Variants in RYK observed in about 807,000 individuals in gnomAD.
RYK encodes receptor like tyrosine kinase, also known as inactive tyrosine-protein kinase RYK.
A neutral mutation model predicts 70.2 loss-of-function variants in RYK; 21 were observed. The ratio of observed to expected loss-of-function variants is 0.30; its 90% confidence interval spans 0.21 to 0.43. The LOEUF (loss-of-function observed/expected upper bound fraction) is 0.43, where lower values mean the gene tolerates loss of function less well. Among genes scored for constraint, RYK ranks in the 20% least tolerant of loss-of-function variants. The probability of loss-of-function intolerance (pLI) is 1.00; values close to 1 mark genes in which losing one functional copy is unlikely to be tolerated. For missense variants in RYK, 604 were observed against 753.3 expected (o/e 0.80, Z 2.32); for synonymous variants, 267 against 278.0 (o/e 0.96, Z 0.39).
chr3:134,174,364 C>A (rs2013025797), intron 13 of RYK, among the ~76,000 whole-genome samples: 1 of 152,094 alleles, frequency 6.6e-6, no homozygotes, highest in Non-Finnish European at 1.5e-5. Context: ...TGAGTATATA[C>A]CAATTAATAT....
Position 134,222,300 on chromosome 3 carries a change from T to C in RYK, c.354+118A>G, listed in dbSNP as rs1015441329. 4.8e-6 allele frequency: 5 copies of C among 1,034,548 alleles called. No homozygotes were observed. The African/African-American group carries it at 6.4e-5, about 13-fold the overall frequency. 64.1% of individuals were successfully genotyped at this position (1,034,548 alleles called of 1,614,324 possible). A position where few individuals can be genotyped will look rare whatever the true frequency, so the allele number is the denominator to read the frequency against. On this transcript the variant is annotated intron_variant, in intron 2 of 14. Transcript: ENST00000623711. ...ATAAATCTGAAAAGACTCAGTACTATTATATCACATCACCAGCGGACCCTT... is the reference window on the plus strand; with the variant it reads ...ATAAATCTGAAAAGACTCAGTACTACTATATCACATCACCAGCGGACCCTT...
chr3:134,185,624 C>A (rs2013437124), intron 9 of RYK, among the ~76,000 whole-genome samples: 2 of 152,070 alleles, frequency 1.3e-5, no homozygotes, highest in Non-Finnish European at 2.9e-5. Flanking sequence ...GCAAAATGTG[C>A]CTTTATTACT....
chr3:134,223,410 G>A (rs1560023072), intron 1 of RYK, among the ~76,000 whole-genome samples: 1 of 151,712 alleles, frequency 6.6e-6, no homozygotes, highest in East Asian at 1.9e-4. Flanking sequence ...AATTTTTAAG[G>A]CAAAATTTAA....
At chr3:134,208,664 C>A (rs2014287220) in intron 4 of RYK, among the ~76,000 whole-genome samples, 1 of 152,132 alleles carries the variant, frequency 6.6e-6, no homozygotes, top group Non-Finnish European at 1.5e-5. Context: ...TAACACTCAG[C>A]ACTGATTTCA....
intron 1 of RYK, among the ~76,000 whole-genome samples, chr3:134,248,812 T>C (rs1012019711): frequency 6.6e-6 from 1 of 152,112 alleles, no homozygotes; most frequent in East Asian, 1.9e-4. Flanking sequence ...AAAAATTAAC[T>C]GTGTGACCTT....
chr3:134,228,151 C>T (rs984858702), intron 1 of RYK, among the ~76,000 whole-genome samples: 1 of 152,110 alleles, frequency 6.6e-6, no homozygotes, highest in African/African-American at 2.4e-5. Context: ...ATTAGCCAAG[C>T]ATGGTGGTGT....
chr3:134,207,269 G>A (rs1004527943), intron 5 of RYK, among the ~76,000 whole-genome samples: 8 of 152,056 alleles, frequency 5.3e-5, no homozygotes, highest in African/African-American at 1.4e-4. Context: ...TACAAAATAC[G>A]TATAAATTTT....
intron 11 of RYK, among the ~76,000 whole-genome samples, chr3:134,176,661 G>A (rs796731917): frequency 3.3e-5 from 5 of 152,210 alleles, no homozygotes; most frequent in African/African-American, 1.2e-4. Context: ...TGGGAGGATT[G>A]CTTAAGCATG....
intron 10 of RYK, chr3:134,180,994 G>C (rs2013274215): frequency 6.6e-6 from 1 of 152,188 alleles, no homozygotes; most frequent in Non-Finnish European, 1.5e-5. Context: ...AAAACTGCAT[G>C]AGACACAACA....
chr3:134,186,394 T>C (rs962108868), intron 9 of RYK, among the ~76,000 whole-genome samples: 2 of 152,260 alleles, frequency 1.3e-5, no homozygotes, highest in African/African-American at 4.8e-5. Flanking sequence ...AAACTTCTAA[T>C]TGTGCAACAT....
At position 134,222,490 on chromosome 3, in the gene RYK, G is replaced by A. The variant is rs978060112; in HGVS notation, c.282C>T (p.Tyr94=). The change falls in exon 2 of 15, where the codon TAC becomes TAT. Residue 94 remains tyrosine (Y), a synonymous_variant. Coordinates refer to ENST00000623711, the MANE Select transcript of RYK (RefSeq NM_002958.4). ...GTACTAACAGACTAAAGGATAGAGC[G>A]TAGTGACTAATAAGGTCATTTCTCA... ...YYVRNDLISH[Y]ALSFSLLVPS... is the part of the protein sequence containing the mutation. 6.8e-6 allele frequency: 11 copies of A among 1,612,962 alleles called. No homozygotes were observed. The highest frequency in any genetic ancestry group is 6.7e-5 in the Admixed American group (4 of 59,994).
chr3:134,178,045 T>A lies in RYK; in HGVS notation c.1201A>T (p.Ile401Leu), dbSNP rs763941686. 1.3e-6 allele frequency: 2 copies of A among 1,594,346 alleles called. No homozygotes were observed. The highest frequency in any genetic ancestry group is 1.7e-4 in the Middle Eastern group (1 of 5,996). ...RNLLPITHVCIEEGEKPMVIL... is the reference protein window; with the variant it reads ...RNLLPITHVCLEEGEKPMVIL... ...ACCATGGGCTTTTCTCCTTCTTCTA[T>A]ACACACATGAGTAATAGGAAGAAGA... The change falls in exon 11 of 15, where the codon ATA becomes TTA. Residue 401 changes from isoleucine (I) to leucine (L), a missense_variant. This residue lies in a region of RYK where 466 missense variants were observed against 535.9 expected (regional missense o/e 0.87). Transcript: ENST00000623711.
intron 1 of RYK, among the ~76,000 whole-genome samples, chr3:134,236,455 T>C (rs1356921919): frequency 1.3e-5 from 2 of 152,138 alleles, no homozygotes. Flanking sequence ...AAAACACCCA[T>C]GTTCATGGAC....
At chr3:134,164,753 A>G (rs1239296779) in intron 13 of RYK, among the ~76,000 whole-genome samples, 2 of 152,274 alleles carry the variant, frequency 1.3e-5, no homozygotes, top group African/African-American at 4.8e-5. Flanking sequence ...TTTATCTAAG[A>G]GCAAAATGAC....
intron 5 of RYK, among the ~76,000 whole-genome samples, chr3:134,204,651 C>T (rs1227798763): frequency 6.9e-6 from 1 of 144,956 alleles, no homozygotes; most frequent in Admixed American, 6.9e-5. Flanking sequence ...TGAGAAAAAA[C>T]ACACAGCAAG....
chr3:134,240,492 T>A (rs572775663), intron 1 of RYK, among the ~76,000 whole-genome samples: 2 of 152,214 alleles, frequency 1.3e-5, no homozygotes, highest in African/African-American at 2.4e-5. Flanking sequence ...GGGGACTTTT[T>A]AAAGGTGCAA....
chr3:134,207,393 G>T, intron 5 of RYK, 79 bp downstream of exon 5: 2 of 882,698 alleles, frequency 2.3e-6, no homozygotes, highest in Non-Finnish European at 3.4e-6. Flanking sequence ...AGGCCTCCAA[G>T]CTTCATGCAA....
At chr3:134,227,581 G>A (rs757393721) in intron 1 of RYK, among the ~76,000 whole-genome samples, 3 of 151,750 alleles carry the variant, frequency 2.0e-5, no homozygotes, top group Non-Finnish European at 4.4e-5. Flanking sequence ...AAACCACAAT[G>A]AGATACCACC....
chr3:134,165,142 C>T (rs969027267), intron 13 of RYK, among the ~76,000 whole-genome samples: 5 of 152,098 alleles, frequency 3.3e-5, no homozygotes, highest in Admixed American at 6.5e-5. Flanking sequence ...CTGAGAACTT[C>T]GTATTTTTGA....
Sources: allele counts gnomAD v4.1 joint callset (sites outside exome capture counted in the v4.1 genomes callset), GRCh38; gene constraint gnomAD v4.1.1; regional missense constraint gnomAD v4.1.1; transcripts MANE v1.5; gene names NCBI Gene and HGNC (gene_info 2026-07-23, HGNC 2026-07-21).